The following DCBLD2 variants were observed in gnomAD, a reference collection of about 807,000 sequenced individuals.
The protein encoded by DCBLD2 is discoidin, CUB and LCCL domain containing 2.
A neutral mutation model predicts 86.8 loss-of-function variants in DCBLD2; 54 were observed. The observed-to-expected ratio is 0.62, with a 90% CI of 0.50 to 0.78. The LOEUF (loss-of-function observed/expected upper bound fraction) is 0.78. Among genes scored for constraint, DCBLD2 ranks in the 30% least tolerant of loss-of-function variants. The pLI is 0.00. For synonymous variants in DCBLD2, 354 were observed against 341.3 expected (o/e 1.04, Z -0.41); for missense variants, 908 against 954.2 (o/e 0.95, Z 0.64).
chr3:98,807,630 A>G (rs537030865), intron 13 of DCBLD2, among the ~76,000 whole-genome samples: 2 of 152,156 alleles, frequency 1.3e-5, no homozygotes, highest in South Asian at 2.1e-4. Context: ...ACCTTCCTCT[A>G]TCTAGCCAAC....
At chr3:98,825,439 G>A in intron 3 of DCBLD2, 73 bp from the exon 4 acceptor site, 9 of 1,196,756 alleles carry the variant, frequency 7.5e-6, no homozygotes, top group Non-Finnish European at 1.0e-5. Context: ...AAGTGTCTCA[G>A]AATCCCAAAC....
At chr3:98,854,246 T>C (rs761893275) in intron 2 of DCBLD2, among the ~76,000 whole-genome samples, 1 of 152,158 alleles carries the variant, frequency 6.6e-6, no homozygotes, top group Admixed American at 6.6e-5. Context: ...ATAGATGCTA[T>C]CATTAAATAA....
Position 98,870,736 on chromosome 3 carries a change from A to AAAGAAAGAAAGAAAGAAAG in DCBLD2, c.433+10803_433+10804insCTTTCTTTCTTTCTTTCTT, listed in dbSNP as rs1553731613. Among the ~76,000 whole-genome samples, 23 of 84,664 alleles carry AAAGAAAGAAAGAAAGAAAG rather than the reference A, an allele frequency of 2.7e-4. 1 individual carries two copies. The highest frequency in any genetic ancestry group is 1.0e-3 in the African/African-American group (21 of 20,526). The allele number at this position is 84,664 out of a possible 152,430, so 55.5% of individuals were successfully genotyped here. ...AAAGAAAAAGGAAAAGAAAAGAAAG[A>AAAGAAAGAAAGAAAGAAAG]AAAAGAAAGAAAGAAAGAAAGAAAG... On this transcript the variant is annotated intron_variant, in intron 2 of 15. Transcript: ENST00000326840.
Position 98,801,581 on chromosome 3 carries a change from CA to C in DCBLD2, c.1720+18del. The C allele has an allele frequency of 1.2e-6, 2 of 1,602,026 alleles. No homozygotes were observed. Among genetic ancestry groups the C allele is most frequent in the South Asian group, 2.2e-5 (2 of 89,136 alleles). On this transcript the variant is annotated intron_variant, in intron 14 of 15. Transcript: ENST00000326840. ...ACATCCCTCTGATAGAAATGAGATG[CA>C]AAGACCACGTGAGTTACCTGCCCGG... is the stretch of plus-strand genomic sequence containing the variant.
chr3:98,832,659 T>C (rs998733195), intron 3 of DCBLD2, among the ~76,000 whole-genome samples: 2 of 152,244 alleles, frequency 1.3e-5, no homozygotes, highest in Non-Finnish European at 2.9e-5. Flanking sequence ...TAGCATTTGC[T>C]TATCTGACAA....
intron 1 of DCBLD2, among the ~76,000 whole-genome samples, chr3:98,897,572 T>C (rs747533471): frequency 6.6e-6 from 1 of 152,114 alleles, no homozygotes; most frequent in South Asian, 2.1e-4. Flanking sequence ...TTCAAAAATA[T>C]TTCCCTGCAT....
intron 2 of DCBLD2, among the ~76,000 whole-genome samples, chr3:98,865,860 TCCCCCCA>T: frequency 1.1e-5 from 1 of 90,276 alleles, no homozygotes; most frequent in Admixed American, 1.5e-4. Flanking sequence ...CCCTCCTCCC[TCCCCCCA>T]CCCCATGACA....
intron 2 of DCBLD2, among the ~76,000 whole-genome samples, chr3:98,870,137 C>T (rs1158053328): frequency 6.6e-6 from 1 of 152,124 alleles, no homozygotes; most frequent in Non-Finnish European, 1.5e-5. Context: ...GATAGGGAAC[C>T]AGTTTCATTC....
rs1943849190 is a variant in DCBLD2 at position 98,901,382 on chromosome 3, C to T, written c.-56G>A. 1 of 1,265,412 alleles carries T rather than the reference C, an allele frequency of 7.9e-7. No individual in the cohort carries two copies. The highest frequency in any genetic ancestry group is 9.9e-7 in the Non-Finnish European group (1 of 1,011,424). 78.4% of individuals were successfully genotyped at this position (1,265,412 alleles called of 1,614,324 possible). ...CGGGTGCCTCGGCAGCCCCGCGCGCCTCTGGCCGCGGCACCCGACCAGGAG... is the reference window on the plus strand; with the variant it reads ...CGGGTGCCTCGGCAGCCCCGCGCGCTTCTGGCCGCGGCACCCGACCAGGAG... On this transcript the variant is annotated 5_prime_UTR_variant, in exon 1 of 16. Coordinates refer to ENST00000326840, the MANE Select transcript of DCBLD2 (RefSeq NM_080927.4).
chr3:98,822,037 A>T, intron 6 of DCBLD2, 191 bp downstream of exon 6: 1 of 734,086 alleles, frequency 1.4e-6, no homozygotes, highest in South Asian at 1.4e-5. Flanking sequence ...TGAGAGCGAA[A>T]CTCTGTCTCA....
At chr3:98,863,802 G>C (rs1943090610) in intron 2 of DCBLD2, among the ~76,000 whole-genome samples, 1 of 152,156 alleles carries the variant, frequency 6.6e-6, no homozygotes, top group African/African-American at 2.4e-5. Flanking sequence ...CATAGGCATG[G>C]ACTTCATGTC....
intron 3 of DCBLD2, among the ~76,000 whole-genome samples, chr3:98,841,549 T>A (rs558061396): frequency 3.9e-5 from 6 of 152,302 alleles, no homozygotes; most frequent in African/African-American, 1.2e-4. Flanking sequence ...ATCATAGAAA[T>A]ATTTTTGATT....
intron 2 of DCBLD2, among the ~76,000 whole-genome samples, chr3:98,856,355 G>A (rs775171539): frequency 1.1e-4 from 16 of 151,766 alleles, no homozygotes; most frequent in Non-Finnish European, 2.2e-4. Flanking sequence ...AATCTCTCCC[G>A]AACTATGGTC....
chr3:98,829,187 G>C (rs189248919), intron 3 of DCBLD2, among the ~76,000 whole-genome samples: 1 of 152,218 alleles, frequency 6.6e-6, no homozygotes, highest in Admixed American at 6.5e-5. Flanking sequence ...TAGATACGGG[G>C]TACATGTGTA....
chr3:98,803,980 C>T (rs1435680232), intron 13 of DCBLD2, among the ~76,000 whole-genome samples: 2 of 152,194 alleles, frequency 1.3e-5, no homozygotes, highest in Admixed American at 1.3e-4. Flanking sequence ...CATCGATTTT[C>T]ATCAGGGATA....
chr3:98,858,103 C>G (rs558215280), intron 2 of DCBLD2, among the ~76,000 whole-genome samples: 108 of 152,334 alleles, frequency 7.1e-4, no homozygotes, highest in Non-Finnish European at 1.3e-3. Flanking sequence ...CTGCAGGTCC[C>G]GAGCCCTGCC....
At chr3:98,884,837 A>G (rs1366491300) in intron 1 of DCBLD2, among the ~76,000 whole-genome samples, 1 of 152,184 alleles carries the variant, frequency 6.6e-6, no homozygotes, top group Non-Finnish European at 1.5e-5. Context: ...ACGACTTTGT[A>G]GTGGCAGATT....
chr3:98,897,902 A>C (rs1382087604), intron 1 of DCBLD2, among the ~76,000 whole-genome samples: 1 of 152,134 alleles, frequency 6.6e-6, no homozygotes, highest in South Asian at 2.1e-4. Flanking sequence ...AAATTCCTAC[A>C]GTCATAATGG....
intron 1 of DCBLD2, among the ~76,000 whole-genome samples, chr3:98,883,915 A>C (rs1265766692): frequency 1.3e-5 from 2 of 152,158 alleles, no homozygotes; most frequent in African/African-American, 4.8e-5. Context: ...AAAACTTTCA[A>C]AAGCCTATGA....
Sources: allele counts gnomAD v4.1 joint callset (sites outside exome capture counted in the v4.1 genomes callset), GRCh38; gene constraint gnomAD v4.1.1; transcripts MANE v1.5; gene names NCBI Gene and HGNC (gene_info 2026-07-23, HGNC 2026-07-21).